TNFSF4: variants seen among roughly 807,000 people sequenced by gnomAD.
The protein encoded by TNFSF4 is tumor necrosis factor ligand superfamily member 4.
TNFSF4 carries 4 observed loss-of-function variants against 7.3 expected under a neutral mutation model. The ratio of observed to expected loss-of-function variants is 0.55; its 90% CI spans 0.27 to 1.25. The LOEUF (loss-of-function observed/expected upper bound fraction) is 1.25. Among genes scored for constraint, TNFSF4 ranks in the 50% most tolerant of loss-of-function variants. TNFSF4 has a pLI of 0.12. For synonymous variants in TNFSF4, 76 were observed against 83.7 expected (o/e 0.91, Z 0.50); for missense variants, 181 against 208.8 (o/e 0.87, Z 0.82).
At position 173,188,827 on chromosome 1, in the gene TNFSF4, C is replaced by G. The variant is rs375243844; in HGVS notation, c.154-258G>C. ...TCCCTGGGCTCAGTGATTCCCCCAC[C>G]TCAGCCTCCTGAGTAGCTGGGACTA... is the stretch of plus-strand genomic sequence containing the variant. On this transcript the variant is annotated intron_variant, in intron 1 of 2. Coordinates refer to ENST00000281834, the MANE Select transcript of TNFSF4 (RefSeq NM_003326.5). Among the ~76,000 whole-genome samples, 8 of 152,286 alleles carry G rather than the reference C, an allele frequency of 5.3e-5. No homozygotes were observed. In the East Asian group the frequency reaches 1.5e-3, roughly 29 times the overall value.
the TNFSF4 span, among the ~76,000 whole-genome samples, chr1:173,273,215 T>C: frequency 2.7e-4 from 41 of 152,294 alleles, no homozygotes; most frequent in Non-Finnish European, 4.0e-4. Context: ...ATTGTCTCTA[T>C]AAATTTATCA....
upstream of TNFSF4, among the ~76,000 whole-genome samples, chr1:173,210,860 C>A (rs972370594): frequency 1.3e-5 from 2 of 152,124 alleles, no homozygotes; most frequent in African/African-American, 4.8e-5. Flanking sequence ...CTCTCTAAGC[C>A]CTCCATCCTG....
chr1:173,433,516 G>A, the TNFSF4 span, among the ~76,000 whole-genome samples: 25 of 149,220 alleles, frequency 1.7e-4, no homozygotes, highest in East Asian at 1.2e-3. Context: ...GCAACATGGC[G>A]AAACCCTATC....
the TNFSF4 span, among the ~76,000 whole-genome samples, chr1:173,395,921 A>C: frequency 6.6e-6 from 1 of 151,808 alleles, no homozygotes; most frequent in Non-Finnish European, 1.5e-5. Context: ...GCACTTACCC[A>C]CCCCCAGTGG....
chr1:173,425,318 G>A, the TNFSF4 span, among the ~76,000 whole-genome samples: 9 of 152,138 alleles, frequency 5.9e-5, no homozygotes, highest in African/African-American at 2.2e-4. Flanking sequence ...GACAGAAAAG[G>A]AAAAACAAGC....
chr1:173,399,346 G>A, the TNFSF4 span, among the ~76,000 whole-genome samples: 7 of 152,154 alleles, frequency 4.6e-5, no homozygotes, highest in Non-Finnish European at 1.5e-5. Context: ...AACCAAAAGT[G>A]AACAGCTGCA....
the TNFSF4 span, among the ~76,000 whole-genome samples, chr1:173,428,565 T>C: frequency 6.6e-6 from 1 of 152,250 alleles, no homozygotes; most frequent in East Asian, 1.9e-4. Flanking sequence ...TGCATATGCA[T>C]TTATGAGATA....
At chr1:173,261,654 C>T in the TNFSF4 span, among the ~76,000 whole-genome samples, 4 of 152,172 alleles carry the variant, frequency 2.6e-5, no homozygotes, top group African/African-American at 9.7e-5. Context: ...GATATCACCA[C>T]TGACCCCACA....
chr1:173,315,813 T>C, the TNFSF4 span, among the ~76,000 whole-genome samples: 1 of 152,170 alleles, frequency 6.6e-6, no homozygotes, highest in African/African-American at 2.4e-5. Flanking sequence ...AACAGATACA[T>C]AGTTTGCAAA....
At chr1:173,189,144 G>A (rs765535225) in intron 1 of TNFSF4, among the ~76,000 whole-genome samples, 6 of 152,120 alleles carry the variant, frequency 3.9e-5, no homozygotes, top group Admixed American at 2.6e-4. Context: ...AGATCTGTCC[G>A]CATTTCTGCC....
At chr1:173,379,669 G>T in the TNFSF4 span, among the ~76,000 whole-genome samples, 18 of 152,228 alleles carry the variant, frequency 1.2e-4, no homozygotes, top group Admixed American at 8.5e-4. Flanking sequence ...AGAAGAACAG[G>T]CCCAAAAGGA....
chr1:173,207,223 C>A lies in TNFSF4; in HGVS notation c.-47G>T, dbSNP rs369775833. On this transcript the variant is annotated 5_prime_UTR_variant, in exon 1 of 3. Transcript: ENST00000281834. ...AAGATGAAGATATGGAAAAGGGGAACGTGCGATAAAACTGAAGTTTTCCCC... is the reference window on the plus strand; with the variant it reads ...AAGATGAAGATATGGAAAAGGGGAAAGTGCGATAAAACTGAAGTTTTCCCC... The A allele has an allele frequency of 1.3e-6, 2 of 1,551,504 alleles. No individual in the cohort carries two copies. The highest frequency in any genetic ancestry group is 1.8e-6 in the Non-Finnish European group (2 of 1,135,952).
the TNFSF4 span, among the ~76,000 whole-genome samples, chr1:173,308,229 C>A: frequency 2.0e-5 from 3 of 150,638 alleles, no homozygotes; most frequent in African/African-American, 7.4e-5. Flanking sequence ...ACTTTATTCT[C>A]TTCCTTCTCT....
At chr1:173,448,522 A>AGGGAGATG in the TNFSF4 span, among the ~76,000 whole-genome samples, 1 of 152,194 alleles carries the variant, frequency 6.6e-6, no homozygotes, top group Admixed American at 6.6e-5. Flanking sequence ...GAGTCAGAGA[A>AGGGAGATG]GGGAGATAGG....
the TNFSF4 span, among the ~76,000 whole-genome samples, chr1:173,280,499 C>T: frequency 2.6e-5 from 4 of 152,038 alleles, no homozygotes; most frequent in Admixed American, 6.6e-5. Flanking sequence ...AGACAAAACA[C>T]AATAATTAGT....
chr1:173,435,443 A>G, the TNFSF4 span, among the ~76,000 whole-genome samples: 2 of 152,162 alleles, frequency 1.3e-5, no homozygotes, highest in African/African-American at 2.4e-5. Context: ...GTAGACCCCA[A>G]TGAAATAGGA....
the TNFSF4 span, chr1:173,352,109 T>G: frequency 3.9e-6 from 1 of 255,808 alleles, no homozygotes; most frequent in Non-Finnish European, 7.3e-6. Flanking sequence ...GTGACCGTCA[T>G]TGCTACAGCT....
chr1:173,394,128 G>A, the TNFSF4 span, among the ~76,000 whole-genome samples: 1 of 148,624 alleles, frequency 6.7e-6, no homozygotes, highest in Non-Finnish European at 1.5e-5. Flanking sequence ...CATGCCTGTA[G>A]TCCTATATGC....
intron 1 of TNFSF4, among the ~76,000 whole-genome samples, chr1:173,200,047 C>CT (rs964171827): frequency 6.6e-6 from 1 of 152,158 alleles, no homozygotes; most frequent in Non-Finnish European, 1.5e-5. Context: ...ATATTTAAAT[C>CT]TTTTTTTAAA....
Sources: allele counts gnomAD v4.1 joint callset (sites outside exome capture counted in the v4.1 genomes callset), GRCh38; gene constraint gnomAD v4.1.1; transcripts MANE v1.5; gene names NCBI Gene and HGNC (gene_info 2026-07-23, HGNC 2026-07-21).